The following STK3 variants were observed in gnomAD, a reference collection of about 807,000 sequenced individuals.
STK3 encodes serine/threonine kinase 3, also known as serine/threonine-protein kinase 3.
Under a neutral mutation model 58.0 loss-of-function variants are expected in STK3, and 41 were observed. The observed-to-expected ratio is 0.71, with a 90% CI of 0.55 to 0.92. The LOEUF (loss-of-function observed/expected upper bound fraction) is 0.92, where lower values mean the gene tolerates loss of function less well. STK3 is among the 40% of genes least tolerant of loss of function. The pLI, the probability that STK3 is intolerant of heterozygous loss-of-function variation, is 0.00. For synonymous variants in STK3, 170 were observed against 191.0 expected (o/e 0.89, Z 0.91); for missense variants, 479 against 602.7 (o/e 0.79, Z 2.15).
chr8:98,586,434 C>T (rs916987563), intron 7 of STK3, among the ~76,000 whole-genome samples: 1 of 150,058 alleles, frequency 6.7e-6, no homozygotes, highest in Non-Finnish European at 1.5e-5. Context: ...GCCTTGCATC[C>T]CAGGGATGAA....
Position 98,474,341 on chromosome 8 carries a change from C to A in STK3, c.1318-18341G>T, listed in dbSNP as rs528035759. Among the ~76,000 whole-genome samples the A allele has an allele frequency of 3.3e-5, 5 of 152,244 alleles. No homozygotes were observed. In the South Asian group the frequency reaches 1.0e-3, roughly 32 times the overall value. On this transcript the variant is annotated intron_variant, in intron 10 of 10. Transcript: ENST00000419617. Reference sequence around the variant, plus strand: ...TGGGTCATGTCCTGCCCCTAAGATACGGAAATGGCTCTTTCTTGCATATGA... The same window carrying A: ...TGGGTCATGTCCTGCCCCTAAGATAAGGAAATGGCTCTTTCTTGCATATGA...
intron 10 of STK3, among the ~76,000 whole-genome samples, chr8:98,469,690 A>G (rs891344106): frequency 1.3e-5 from 2 of 152,236 alleles, no homozygotes; most frequent in East Asian, 1.9e-4. Flanking sequence ...TTGCTAGTAA[A>G]TCTTCACATT....
At chr8:98,864,426 T>G (rs898872152) in intron 3 of STK3, among the ~76,000 whole-genome samples, 4 of 152,208 alleles carry the variant, frequency 2.6e-5, no homozygotes, top group African/African-American at 9.6e-5. Context: ...CACCAGGAAC[T>G]GCTTGCTATC....
At chr8:98,526,304 C>T (rs1374664516) in intron 10 of STK3, 3 of 152,178 alleles carry the variant, frequency 2.0e-5, no homozygotes, top group African/African-American at 7.2e-5. Context: ...GTGGAATTAA[C>T]ACTTACTCAA....
chr8:98,814,342 C>T lies in STK3; in HGVS notation c.26+11173G>A, dbSNP rs568215288. 2.7e-5 allele frequency among the ~76,000 whole-genome samples: 4 copies of T among 146,080 alleles called. No individual in the cohort carries two copies. The South Asian group carries it at 6.7e-4, about 25-fold the overall frequency. ...CTGGGATTACAGCCGTGAGCCACCG[C>T]GCCCAGCATTTTTTTTTTTTTTTTT... On this transcript the variant is annotated intron_variant, in intron 1 of 10. Coordinates refer to ENST00000419617, the MANE Select transcript of STK3 (RefSeq NM_006281.4).
intron 4 of STK3, among the ~76,000 whole-genome samples, chr8:98,737,837 A>T (rs183601844): frequency 1.3e-5 from 2 of 152,186 alleles, no homozygotes; most frequent in East Asian, 3.9e-4. Flanking sequence ...CCTCCAGAGT[A>T]GCTGGGATTA....
intron 6 of STK3, among the ~76,000 whole-genome samples, chr8:98,648,239 T>A (rs1820557745): frequency 1.3e-5 from 2 of 152,230 alleles, no homozygotes; most frequent in African/African-American, 4.8e-5. Flanking sequence ...CACATCTTAT[T>A]TTTCTCATCT....
At chr8:98,928,507 T>G (rs1839889628) in intron 1 of STK3, among the ~76,000 whole-genome samples, 1 of 152,242 alleles carries the variant, frequency 6.6e-6, no homozygotes, top group Non-Finnish European at 1.5e-5. Flanking sequence ...CCCTCAGGAA[T>G]AGCTAGACAG....
At chr8:98,419,471 G>A (rs747831827) in intron 3 of STK3, among the ~76,000 whole-genome samples, 5 of 152,282 alleles carry the variant, frequency 3.3e-5, no homozygotes, top group South Asian at 2.1e-4. Context: ...AATGCAGTGC[G>A]GATAAGTTCA....
At chr8:98,654,400 A>G (rs1174401780) in intron 6 of STK3, among the ~76,000 whole-genome samples, 1 of 152,160 alleles carries the variant, frequency 6.6e-6, no homozygotes, top group Non-Finnish European at 1.5e-5. Context: ...AAAAACTGGA[A>G]GCATTCCCTT....
chr8:98,640,633 A>G (rs1229918369), intron 6 of STK3, among the ~76,000 whole-genome samples: 1 of 152,116 alleles, frequency 6.6e-6, no homozygotes, highest in Non-Finnish European at 1.5e-5. Context: ...TTATTAAAGT[A>G]TTAAATTTAA....
intron 3 of STK3, among the ~76,000 whole-genome samples, chr8:98,393,985 C>T (rs1817872787): frequency 6.6e-6 from 1 of 152,186 alleles, no homozygotes. Flanking sequence ...AGCTATTTGT[C>T]TACCATTTCT....
chr8:98,355,335 T>G, the STK3 span, among the ~76,000 whole-genome samples: 2 of 152,252 alleles, frequency 1.3e-5, no homozygotes, highest in Non-Finnish European at 2.9e-5. Flanking sequence ...TGTACAACTT[T>G]CTTTGCATGT....
chr8:98,872,709 G>A (rs945453222), intron 3 of STK3, among the ~76,000 whole-genome samples: 7 of 151,990 alleles, frequency 4.6e-5, no homozygotes, highest in Admixed American at 1.3e-4. Context: ...TTTTTATTGC[G>A]TCTATCTGAT....
intron 6 of STK3, among the ~76,000 whole-genome samples, chr8:98,636,222 G>A (rs1018774479): frequency 2.6e-5 from 4 of 152,054 alleles, no homozygotes; most frequent in African/African-American, 9.7e-5. Flanking sequence ...AGTGAGACAT[G>A]GAGAGGTTAA....
At chr8:98,368,100 A>G (rs575698372), downstream of STK3, among the ~76,000 whole-genome samples, 35 of 152,068 alleles carry the variant, frequency 2.3e-4, no homozygotes, top group African/African-American at 7.5e-4. Context: ...AGGACAGCAC[A>G]CTCTCTCCCT....
chr8:98,772,598 T>A (rs763007253), intron 2 of STK3, among the ~76,000 whole-genome samples: 13 of 151,908 alleles, frequency 8.6e-5, no homozygotes, highest in Non-Finnish European at 1.9e-4. Context: ...ACTCGGGAGG[T>A]TGAGGCAACA....
chr8:98,393,744 C>T (rs969808365), intron 3 of STK3: 1 of 151,910 alleles, frequency 6.6e-6, no homozygotes, highest in Admixed American at 6.5e-5. Flanking sequence ...GCTGGTTGGC[C>T]CAGTTACCTC....
At chr8:98,809,046 G>A (rs1587677038) in intron 1 of STK3, among the ~76,000 whole-genome samples, 3 of 152,280 alleles carry the variant, frequency 2.0e-5, no homozygotes, top group South Asian at 4.1e-4. Flanking sequence ...CTTCTGGATC[G>A]ATGAACACAT....
Sources: gnomAD v4.1 joint callset for allele counts (sites outside exome capture counted in the v4.1 genomes callset) on GRCh38, gnomAD v4.1.1 for gene constraint, MANE v1.5 for transcripts, NCBI Gene and HGNC (gene_info 2026-07-23, HGNC 2026-07-21) for gene names.